Variants in RSRC1 observed in about 807,000 individuals in gnomAD.
RSRC1 encodes serine/Arginine-related protein 53.
RSRC1 carries 39 observed loss-of-function variants against 49.1 expected under a neutral mutation model. The observed-to-expected ratio is 0.79, with a 90% CI of 0.61 to 1.04. The LOEUF (loss-of-function observed/expected upper bound fraction) is 1.04, where lower values mean the gene tolerates loss of function less well. Ranked by LOEUF, RSRC1 falls within the 50% of genes least tolerant of loss-of-function variation. The pLI is 0.00. For missense variants in RSRC1, 388 were observed against 402.4 expected (o/e 0.96, Z 0.31); for synonymous variants, 143 against 130.8 (o/e 1.09, Z -0.63).
chr3:158,244,924 A>T, intron 4 of RSRC1, among the ~76,000 whole-genome samples: 1 of 151,296 alleles, frequency 6.6e-6, no homozygotes, highest in African/African-American at 2.4e-5. Flanking sequence ...AGGTCTTTAT[A>T]GTATTCTCTG....
Position 158,544,571 on chromosome 3 carries a change from CA to C in RSRC1, c.*302del, listed in dbSNP as rs769257564. 2.0e-4 allele frequency: 37 copies of C among 187,150 alleles called. No homozygotes were observed. The highest frequency in any genetic ancestry group is 8.7e-5 in the Non-Finnish European group (8 of 91,482). The allele number at this position is 187,150 out of a possible 1,614,324, so 11.6% of individuals were successfully genotyped here. A position where few individuals can be genotyped will look rare whatever the true frequency, so the allele number is the denominator to read the frequency against. On this transcript the variant is annotated 3_prime_UTR_variant, in exon 10 of 10. Coordinates refer to ENST00000611884, the MANE Select transcript of RSRC1 (RefSeq NM_001271838.2). Reference sequence around the variant, plus strand: ...GACACTAGTGTTTCTTAGTGCAATTCAAAAAATGTCAAGATGTCATTTAAAG... The same window carrying C: ...GACACTAGTGTTTCTTAGTGCAATTCAAAAATGTCAAGATGTCATTTAAAG...
At chr3:158,244,992 G>A (rs1723802938) in intron 4 of RSRC1, among the ~76,000 whole-genome samples, 1 of 130,686 alleles carries the variant, frequency 7.7e-6, no homozygotes, top group Non-Finnish European at 1.6e-5. Context: ...TGGATTTGTA[G>A]ATTTTTCAAA....
At chr3:158,469,864 A>G (rs1738049484) in intron 7 of RSRC1, 1 of 152,100 alleles carries the variant, frequency 6.6e-6, no homozygotes, top group Non-Finnish European at 1.5e-5. Flanking sequence ...AAATTCAAGT[A>G]TTCTTTGAAA....
chr3:158,237,146 A>G (rs1723290422), intron 4 of RSRC1, among the ~76,000 whole-genome samples: 1 of 152,206 alleles, frequency 6.6e-6, no homozygotes. Context: ...GCTTTGACAA[A>G]GGATATTTCA....
chr3:158,326,784 G>A (rs1399179323), intron 5 of RSRC1, among the ~76,000 whole-genome samples: 1 of 152,170 alleles, frequency 6.6e-6, no homozygotes, highest in Non-Finnish European at 1.5e-5. Context: ...CTATTGATTG[G>A]AATAGTTTCA....
At chr3:158,363,858 A>AT (rs1226643228) in intron 6 of RSRC1, among the ~76,000 whole-genome samples, 1 of 152,078 alleles carries the variant, frequency 6.6e-6, no homozygotes, top group Non-Finnish European at 1.5e-5. Context: ...ATGTTTTATG[A>AT]TTTTTTTCTA....
intron 4 of RSRC1, among the ~76,000 whole-genome samples, chr3:158,265,571 C>T (rs543152973): frequency 6.6e-6 from 1 of 151,648 alleles, no homozygotes; most frequent in South Asian, 2.1e-4. Flanking sequence ...GCAGAGGTTA[C>T]AGTGAGCTGA....
At chr3:158,487,918 C>G (rs970326201) in intron 7 of RSRC1, among the ~76,000 whole-genome samples, 12 of 119,316 alleles carry the variant, frequency 1.0e-4, no homozygotes, top group African/African-American at 4.0e-4. Flanking sequence ...CCATTGCACT[C>G]CAGCCTAGGA....
At chr3:158,414,252 G>A (rs941153144) in intron 6 of RSRC1, among the ~76,000 whole-genome samples, 5 of 152,080 alleles carry the variant, frequency 3.3e-5, no homozygotes, top group Non-Finnish European at 5.9e-5. Context: ...CCTTTGCAGG[G>A]ACATGGATGG....
At chr3:158,200,857 A>G (rs529868098) in intron 3 of RSRC1, among the ~76,000 whole-genome samples, 39 of 152,058 alleles carry the variant, frequency 2.6e-4, no homozygotes, top group Admixed American at 1.3e-3. Flanking sequence ...AAATGCTATT[A>G]TTTTTACTTT....
chr3:158,177,799 T>A lies in RSRC1; in HGVS notation c.321-25273T>A, dbSNP rs560409460. Among the ~76,000 whole-genome samples the A allele has an allele frequency of 4.6e-5, 7 of 152,214 alleles. No homozygotes were observed. In the South Asian group the frequency reaches 1.5e-3, roughly 32 times the overall value. ...AGAACTTAAAGTTTAAAAACAAATA[T>A]GTTGGCAAACATTGGCCATTTGCAA... On this transcript the variant is annotated intron_variant, in intron 3 of 9. Transcript: ENST00000611884.
At chr3:158,295,253 G>A (rs1727170469) in intron 4 of RSRC1, among the ~76,000 whole-genome samples, 1 of 119,922 alleles carries the variant, frequency 8.3e-6, no homozygotes, top group South Asian at 2.3e-4. Context: ...GAGAAAAGGA[G>A]CATTTTAGGT....
chr3:158,449,560 C>A (rs939376374), intron 6 of RSRC1, among the ~76,000 whole-genome samples: 1 of 151,726 alleles, frequency 6.6e-6, no homozygotes, highest in Non-Finnish European at 1.5e-5. Flanking sequence ...AATGGAGAAT[C>A]GTGAGAAATT....
chr3:158,203,881 A>G (rs1017705133), intron 4 of RSRC1, among the ~76,000 whole-genome samples: 1 of 152,198 alleles, frequency 6.6e-6, no homozygotes, highest in Non-Finnish European at 1.5e-5. Context: ...AAATCCACTC[A>G]TAAGTGTTTG....
At chr3:158,151,720 G>C (rs548739195) in intron 3 of RSRC1, among the ~76,000 whole-genome samples, 31 of 152,230 alleles carry the variant, frequency 2.0e-4, no homozygotes, top group African/African-American at 7.2e-4. Flanking sequence ...TTATGCTTCT[G>C]ATATGTAAAT....
At position 158,415,526 on chromosome 3, in the gene RSRC1, A is replaced by G. The variant is rs188784288; in HGVS notation, c.584-45409A>G. On this transcript the variant is annotated intron_variant, in intron 6 of 9. Coordinates refer to ENST00000611884, the MANE Select transcript of RSRC1 (RefSeq NM_001271838.2). Reference sequence around the variant, plus strand: ...AAATTCTCGGTGCTTCATTTTCCTCAGTGGTAAAAATAGGGTGTTAATATT... The same window carrying G: ...AAATTCTCGGTGCTTCATTTTCCTCGGTGGTAAAAATAGGGTGTTAATATT... Among the ~76,000 whole-genome samples the G allele has an allele frequency of 1.7e-3, 260 of 152,014 alleles. 2 individuals carry two copies. The highest frequency in any genetic ancestry group is 0.015 in the Admixed American group (223 of 15,230).
chr3:158,427,696 A>G (rs1341061558), intron 6 of RSRC1, among the ~76,000 whole-genome samples: 9 of 151,686 alleles, frequency 5.9e-5, no homozygotes, highest in African/African-American at 1.9e-4. Context: ...TTCCTTATTC[A>G]TATGTTTATA....
chr3:158,508,904 C>T (rs1740010030), intron 7 of RSRC1, among the ~76,000 whole-genome samples: 1 of 152,192 alleles, frequency 6.6e-6, no homozygotes, highest in Non-Finnish European at 1.5e-5. Flanking sequence ...AAGCAATCCT[C>T]CCACCTCTGC....
chr3:158,187,038 T>C (rs1038776128), intron 3 of RSRC1, among the ~76,000 whole-genome samples: 86 of 152,014 alleles, frequency 5.7e-4, no homozygotes, highest in African/African-American at 1.9e-3. Flanking sequence ...ATTGGCAGTA[T>C]GTCGTAGTTG....
Sources: gnomAD v4.1 joint callset for allele counts (sites outside exome capture counted in the v4.1 genomes callset) on GRCh38, gnomAD v4.1.1 for gene constraint, MANE v1.5 for transcripts, NCBI Gene and HGNC (gene_info 2026-07-23, HGNC 2026-07-21) for gene names.